SGSM2: variants seen among roughly 807,000 people sequenced by gnomAD.
The protein encoded by SGSM2 is RUN and TBC1 domain containing 1.
SGSM2 carries 89 observed loss-of-function variants against 126.6 expected under a neutral mutation model. The ratio of observed to expected loss-of-function variants is 0.70; its 90% CI spans 0.59 to 0.84. SGSM2 has a LOEUF of 0.84. SGSM2 is among the 40% of genes least tolerant of loss of function. The pLI is 0.00. For missense variants in SGSM2, 1,404 were observed against 1,416.6 expected, an observed-to-expected ratio of 0.99 and a Z score of 0.14; for synonymous variants, 614 against 574.3, an observed-to-expected ratio of 1.07 and a Z score of -0.99.
chr17:2,369,064 C>G (rs889156106), intron 12 of SGSM2, among the ~76,000 whole-genome samples: 1 of 152,180 alleles, frequency 6.6e-6, no homozygotes, highest in Admixed American at 6.5e-5. Flanking sequence ...CTAGGCCAAC[C>G]TAGTATAGAG....
chr17:2,349,769 G>A (rs2064766896), intron 2 of SGSM2, among the ~76,000 whole-genome samples: 2 of 150,812 alleles, frequency 1.3e-5, no homozygotes, highest in South Asian at 4.2e-4. Flanking sequence ...TATATGGTTG[G>A]AATTTTCCCT....
Position 2,379,490 on chromosome 17 carries a change from C to G in SGSM2, c.3126C>G (p.His1042Gln), listed in dbSNP as rs904332117. Residue 1042 changes from histidine (H) to glutamine (Q), a missense_variant, in exon 24 of 24, where the codon CAC (histidine) becomes CAG (glutamine). Coordinates refer to ENST00000268989, the MANE Select transcript of SGSM2 (RefSeq NM_014853.3). Reference protein sequence around the residue: ...EILRIARDLVHKVQMLIENK With the variant: ...EILRIARDLVQKVQMLIENK Reference sequence around the variant, plus strand: ...TGCGGATTGCCCGGGACCTCGTCCACAAGGTGCAGATGCTCATAGAGAACA... The same window carrying G: ...TGCGGATTGCCCGGGACCTCGTCCAGAAGGTGCAGATGCTCATAGAGAACA... 5.6e-6 allele frequency: 9 copies of G among 1,613,564 alleles called. No homozygotes were observed. The highest frequency in any genetic ancestry group is 7.6e-6 in the Non-Finnish European group (9 of 1,179,808).
intron 12 of SGSM2, among the ~76,000 whole-genome samples, chr17:2,368,366 T>C (rs1053971764): frequency 1.3e-5 from 2 of 152,196 alleles, no homozygotes; most frequent in African/African-American, 4.8e-5. Context: ...AGGAAGAGGC[T>C]GAGGCCAGTT....
chr17:2,376,032 T>C, intron 18 of SGSM2, 105 bp from the exon 19 acceptor site: 1 of 1,567,628 alleles, frequency 6.4e-7, no homozygotes, highest in South Asian at 1.2e-5. Flanking sequence ...GGACTCGCTC[T>C]GGTCTCTGGG....
At chr17:2,361,237 T>C (rs533771739) in intron 2 of SGSM2, among the ~76,000 whole-genome samples, 116 of 152,312 alleles carry the variant, frequency 7.6e-4, no homozygotes, top group African/African-American at 2.7e-3. Context: ...CCCTGTTCCT[T>C]AGCAACCGCA....
intron 2 of SGSM2, among the ~76,000 whole-genome samples, chr17:2,347,496 A>T (rs989650628): frequency 6.6e-5 from 10 of 151,152 alleles, no homozygotes; most frequent in Non-Finnish European, 1.5e-4. Context: ...TTTTTATCTT[A>T]AAACATCACA....
At position 2,380,437 on chromosome 17, in the gene SGSM2, C is replaced by A; in HGVS notation, c.*917C>A. 2.4e-6 allele frequency: 2 copies of A among 834,940 alleles called. No individual in the cohort carries two copies. The highest frequency in any genetic ancestry group is 1.9e-6 in the Non-Finnish European group (1 of 518,474). The allele number at this position is 834,940 out of a possible 1,614,324, so 51.7% of individuals were successfully genotyped here. ...TTCGAGGGCAGCCCATTATCTGTCG[C>A]AGACATCTGCCATGTCCCTGAGACT... On this transcript the variant is annotated 3_prime_UTR_variant, in exon 24 of 24. Coordinates refer to ENST00000268989, the MANE Select transcript of SGSM2 (RefSeq NM_014853.3).
rs375782058 is a variant in SGSM2, at chr17:2,372,298, G to A, written c.1642+44G>A. The A allele has an allele frequency of 1.1e-5, 18 of 1,610,236 alleles. No homozygotes were observed. Among genetic ancestry groups the A allele is most frequent in the African/African-American group, 1.3e-5 (1 of 74,726 alleles). ...GGGCTGTGGCGGGCTGGGGGCGGGC[G>A]GCCCTGGGTCCCAGCCTCCTGCTGC... On this transcript the variant is annotated intron_variant, in intron 14 of 23. Coordinates refer to ENST00000268989, the MANE Select transcript of SGSM2 (RefSeq NM_014853.3). This position sits in a 1 kb window ranked among gnomAD's most constrained non-coding sequence, Gnocchi z 6.0.
intron 2 of SGSM2, among the ~76,000 whole-genome samples, chr17:2,359,310 C>T (rs777482556): frequency 9.9e-5 from 15 of 152,158 alleles, no homozygotes; most frequent in Non-Finnish European, 1.9e-4. Flanking sequence ...CACACGTGCA[C>T]ACTCTCGGTG....
chr17:2,371,988 G>A (rs2065892688), intron 13 of SGSM2: 10 of 586,272 alleles, frequency 1.7e-5, no homozygotes, highest in Non-Finnish European at 3.0e-5. Flanking sequence ...GTGGTTGGGG[G>A]CCAGGCGGGG....
At chr17:2,361,528 C>G in intron 2 of SGSM2, 109 bp from the exon 3 acceptor site, 1 of 1,395,868 alleles carries the variant, frequency 7.2e-7, no homozygotes, top group Non-Finnish European at 9.8e-7. Context: ...CTGGCCTGCC[C>G]TTGGCTTGCC....
rs753896725 is a variant in SGSM2 at position 2,371,415 on chromosome 17, G to A, written c.1577G>A (p.Arg526Gln). 6 of 1,592,762 alleles carry A rather than the reference G, an allele frequency of 3.8e-6. No homozygotes were observed. The highest frequency in any genetic ancestry group is 2.3e-5 in the East Asian group (1 of 44,218). The change falls in exon 13 of 24, where the codon CGG becomes CAG. Residue 526 changes from arginine to glutamine, a missense_variant and splice_region_variant. Arg to Gln is a conservative substitution (Grantham distance 43, BLOSUM62 1). Coordinates refer to ENST00000268989, the MANE Select transcript of SGSM2 (RefSeq NM_014853.3). ...AGCCACTGTAGCTGCATCCCCGACC[G>A]GTGAGTGGGCAGCGCTCGGCCCCAG... is the stretch of plus-strand genomic sequence containing the variant. ...TPSHCSCIPD[R>Q]LPLRLLCESM...
In SGSM2 at chr17:2,377,154, C is replaced by T. The variant is rs551412651; in HGVS notation, c.2802+86C>T. 8 of 767,418 alleles carry T rather than the reference C, an allele frequency of 1.0e-5. No individual in the cohort carries two copies. The East Asian group carries it at 2.1e-4, about 20-fold the overall frequency. 47.5% of individuals were successfully genotyped at this position (767,418 alleles called of 1,614,324 possible). A position where few individuals can be genotyped will look rare whatever the true frequency, so the allele number is the denominator to read the frequency against. On this transcript the variant is annotated intron_variant, in intron 21 of 23. Transcript: ENST00000268989. ...ACATGGCTAGGGAGCATTCCACAAACATACTTGACATAGAAACTTAACTTC... is the reference window on the plus strand; with the variant it reads ...ACATGGCTAGGGAGCATTCCACAAATATACTTGACATAGAAACTTAACTTC...
intron 1 of SGSM2, among the ~76,000 whole-genome samples, chr17:2,339,657 C>T (rs2064259986): frequency 7.4e-6 from 1 of 134,974 alleles, no homozygotes; most frequent in Non-Finnish European, 1.6e-5. Flanking sequence ...GCAGTGAGCC[C>T]AGATCGTGCC....
Position 2,379,444 on chromosome 17 carries a change from A to G in SGSM2, c.3080A>G (p.His1027Arg), listed in dbSNP as rs756900180. 1 of 1,613,140 alleles carries G rather than the reference A, an allele frequency of 6.2e-7. No individual in the cohort carries two copies. The highest frequency in any genetic ancestry group is 1.1e-5 in the South Asian group (1 of 91,022). The change falls in exon 24 of 24, where the codon CAT becomes CGT. Residue 1027 changes from histidine (H) to arginine (R), a missense_variant. His to Arg is a conservative substitution (Grantham distance 29). Coordinates refer to ENST00000268989, the MANE Select transcript of SGSM2 (RefSeq NM_014853.3). ...CGTTTCCCCCCAGAACGTGCTGAGC[A>G]TCACGATGCCCAGGAGATCCTGCGG... ...IIKFFNERAEHHDAQEILRIA... is the reference protein window; with the variant it reads ...IIKFFNERAERHDAQEILRIA...
Position 2,380,237 on chromosome 17 carries a change from G to C in SGSM2, c.*717G>C, listed in dbSNP as rs1292411431. The C allele has an allele frequency of 1.3e-6, 2 of 1,535,968 alleles. No homozygotes were observed. Among genetic ancestry groups the C allele is most frequent in the South Asian group, 2.4e-5 (2 of 84,050 alleles). ...TGTGTATCTGTACAGCCTCGCTCCT[G>C]CCACCCCACCCTTGCGTTCTGCATT... On this transcript the variant is annotated 3_prime_UTR_variant, in exon 24 of 24. Transcript: ENST00000268989.
chr17:2,343,662 C>G, intron 2 of SGSM2, 42 bp downstream of exon 2: 1 of 1,572,610 alleles, frequency 6.4e-7, no homozygotes, highest in Non-Finnish European at 8.7e-7. Context: ...CGGTCTAGAG[C>G]CGAGGACACT....
intron 18 of SGSM2, 85 bp from the exon 19 acceptor site, chr17:2,376,052 G>C: frequency 1.3e-6 from 2 of 1,594,682 alleles, no homozygotes; most frequent in Non-Finnish European, 1.7e-6. Context: ...GTTCCGTTTT[G>C]CTGCATTTCT....
chr17:2,340,311 C>T (rs1430419023), intron 1 of SGSM2, among the ~76,000 whole-genome samples: 1 of 151,898 alleles, frequency 6.6e-6, no homozygotes, highest in African/African-American at 2.4e-5. Flanking sequence ...GATGGGGTTT[C>T]ACCATGTTGG....
Sources: allele counts gnomAD v4.1 joint callset (sites outside exome capture counted in the v4.1 genomes callset), GRCh38; gene constraint gnomAD v4.1.1; non-coding constraint Gnocchi (gnomAD v3.1); transcripts MANE v1.5; gene names NCBI Gene and HGNC (gene_info 2026-07-23, HGNC 2026-07-21).